The following COX10 variants were observed in gnomAD, a reference collection of about 807,000 sequenced individuals.
COX10 encodes protoheme IX farnesyltransferase, mitochondrial.
In COX10, 27 loss-of-function variants were observed where a neutral mutation model predicts 37.3. That is an observed-to-expected ratio of 0.72 (90% CI 0.53 to 1.00). The LOEUF (loss-of-function observed/expected upper bound fraction) is 1.00, where lower values mean the gene tolerates loss of function less well. Ranked by LOEUF, COX10 falls within the 50% of genes least tolerant of loss-of-function variation. The probability of loss-of-function intolerance (pLI) is 0.00; values close to 1 mark genes in which losing one functional copy is unlikely to be tolerated. For missense variants in COX10, 475 were observed against 563.2 expected (o/e 0.84, Z 1.59); for synonymous variants, 222 against 229.1 (o/e 0.97, Z 0.28).
chr17:14,183,713 A>T (rs1270348794), intron 5 of COX10, among the ~76,000 whole-genome samples: 1 of 152,294 alleles, frequency 6.6e-6, no homozygotes, highest in Non-Finnish European at 1.5e-5. Context: ...ATCAGGGGAA[A>T]CAATTTATGG....
intron 3 of COX10, among the ~76,000 whole-genome samples, chr17:14,086,872 G>A (rs534981182): frequency 6.6e-6 from 1 of 151,974 alleles, no homozygotes; most frequent in African/African-American, 2.4e-5. Context: ...CTTTCTACTA[G>A]CTTTCTTCAT....
At chr17:14,177,099 A>G (rs1376577579) in intron 5 of COX10, 1 of 514,432 alleles carries the variant, frequency 1.9e-6, no homozygotes, top group African/African-American at 1.9e-5. Context: ...AGTTTTAGTT[A>G]TGTTGATTGC....
At chr17:14,193,612 A>G (rs1906277926) in intron 6 of COX10, among the ~76,000 whole-genome samples, 1 of 145,910 alleles carries the variant, frequency 6.9e-6, no homozygotes, top group Non-Finnish European at 1.5e-5. Context: ...GGATGAGGGA[A>G]GGGAGGGTTT....
rs747624024 is a variant in COX10, at chr17:14,069,568, C to T, written c.-38C>T. The T allele has an allele frequency of 1.9e-6, 3 of 1,612,812 alleles. No homozygotes were observed. Among genetic ancestry groups the T allele is most frequent in the Non-Finnish European group, 2.5e-6 (3 of 1,179,412 alleles). ...CCCAGCGTCCCGTGAGGAGAGAGGA[C>T]ACAGGGATCCCGGGGAGCGGCCCCA... On this transcript the variant is annotated 5_prime_UTR_variant, in exon 1 of 7. Transcript: ENST00000261643.
chr17:14,118,109 A>T (rs1415715616), intron 4 of COX10, among the ~76,000 whole-genome samples: 1 of 151,958 alleles, frequency 6.6e-6, no homozygotes, highest in Non-Finnish European at 1.5e-5. Context: ...TTCTCTTGAC[A>T]TCCAGCTGCT....
chr17:14,191,949 G>T, intron 5 of COX10, 40 bp from the exon 6 acceptor site: 2 of 1,602,580 alleles, frequency 1.2e-6, no homozygotes, highest in African/African-American at 2.7e-5. Context: ...ATTGAGTTGA[G>T]TTGGAGATGA....
chr17:14,134,571 C>T (rs1348204452), intron 4 of COX10, among the ~76,000 whole-genome samples: 1 of 151,668 alleles, frequency 6.6e-6, no homozygotes, highest in African/African-American at 2.4e-5. Context: ...TTTTCACCTC[C>T]AAAAAGGGAC....
intron 5 of COX10, 39 bp downstream of exon 5, chr17:14,159,986 C>G: frequency 1.3e-6 from 2 of 1,544,410 alleles, no homozygotes; most frequent in Middle Eastern, 2.1e-4. Context: ...CATTATAAAA[C>G]ATTCATTTGC....
rs531900825 is a variant in COX10, at chr17:14,172,144, A to G, written c.695+12197A>G. On this transcript the variant is annotated intron_variant, in intron 5 of 6. Transcript: ENST00000261643. ...TCAACTGGCAGATAGGTCTTCCGTA[A>G]GTGATCACTGTTTCACCAAACATAT... 6.6e-3 allele frequency among the ~76,000 whole-genome samples: 1,011 copies of G among 152,144 alleles called. 10 individuals are homozygous for G. The highest frequency in any genetic ancestry group is 0.023 in the African/African-American group (955 of 41,510).
At chr17:14,161,771 T>G (rs1019753094) in intron 5 of COX10, among the ~76,000 whole-genome samples, 7 of 152,216 alleles carry the variant, frequency 4.6e-5, no homozygotes, top group Non-Finnish European at 8.8e-5. Context: ...AGGAGCCCCC[T>G]GGGTCCTGAG....
At chr17:14,174,707 A>G (rs1204847243) in intron 5 of COX10, among the ~76,000 whole-genome samples, 1 of 152,044 alleles carries the variant, frequency 6.6e-6, no homozygotes, top group Non-Finnish European at 1.5e-5. Context: ...GCAGAATGGT[A>G]CAATCAATTC....
intron 5 of COX10, among the ~76,000 whole-genome samples, chr17:14,172,889 C>T (rs1186123465): frequency 1.3e-5 from 2 of 152,076 alleles, no homozygotes; most frequent in African/African-American, 2.4e-5. Context: ...CACAGTGTCT[C>T]ACTATGTTGC....
At chr17:14,159,722 T>C (rs561159916) in intron 4 of COX10, among the ~76,000 whole-genome samples, 155 bp from the exon 5 acceptor site, 1 of 152,322 alleles carries the variant, frequency 6.6e-6, no homozygotes, top group South Asian at 2.1e-4. Flanking sequence ...GTTTGTTTGT[T>C]TTTTTGGAAT....
chr17:14,146,332 A>G (rs959405589), intron 4 of COX10, among the ~76,000 whole-genome samples: 4 of 152,186 alleles, frequency 2.6e-5, no homozygotes, highest in African/African-American at 9.7e-5. Flanking sequence ...GAGAACCCAG[A>G]AACAAACTCA....
At chr17:14,123,432 G>A (rs889992225) in intron 4 of COX10, among the ~76,000 whole-genome samples, 2 of 152,044 alleles carry the variant, frequency 1.3e-5, no homozygotes, top group Non-Finnish European at 2.9e-5. Context: ...GGACTCACAG[G>A]CAATATTATT....
chr17:14,084,153 G>A (rs1915358651), intron 3 of COX10, among the ~76,000 whole-genome samples: 1 of 152,122 alleles, frequency 6.6e-6, no homozygotes, highest in African/African-American at 2.4e-5. Flanking sequence ...TCAACTTACT[G>A]TAATCTTCAG....
At chr17:14,201,766 T>G (rs1906547025) in intron 6 of COX10, among the ~76,000 whole-genome samples, 1 of 152,232 alleles carries the variant, frequency 6.6e-6, no homozygotes, top group African/African-American at 2.4e-5. Context: ...CCCGTGCTTG[T>G]GGCTGTCATA....
rs57127092 is a variant in COX10 at position 14,166,785 on chromosome 17, C to CTTTT, written c.695+6857_695+6860dup. ...TGCCACCACGCCTGGCTATTTCTTT[C>CTTTT]TTTTTTTTTTTTTTTTTTTTTTGTA... On this transcript the variant is annotated intron_variant, in intron 5 of 6. Coordinates refer to ENST00000261643, the MANE Select transcript of COX10 (RefSeq NM_001303.4). Among the ~76,000 whole-genome samples the CTTTT allele has an allele frequency of 3.4e-3, 338 of 100,216 alleles. 2 individuals are homozygous for CTTTT. The highest frequency in any genetic ancestry group is 0.02 in the Admixed American group (159 of 7,880). The allele number at this position is 100,216 out of a possible 152,430, so 65.7% of individuals were successfully genotyped here.
intron 5 of COX10, among the ~76,000 whole-genome samples, chr17:14,170,342 A>T (rs1905424352): frequency 6.6e-6 from 1 of 152,190 alleles, no homozygotes; most frequent in Non-Finnish European, 1.5e-5. Flanking sequence ...TGGTGACTGG[A>T]AAAAGCCAAT....
Sources: allele counts gnomAD v4.1 joint callset (sites outside exome capture counted in the v4.1 genomes callset), GRCh38; gene constraint gnomAD v4.1.1; transcripts MANE v1.5; gene names NCBI Gene and HGNC (gene_info 2026-07-23, HGNC 2026-07-21).